The following FOCAD variants were observed in gnomAD, a reference collection of about 807,000 sequenced individuals.
FOCAD encodes the protein KIAA1797.
A neutral mutation model predicts 225.6 loss-of-function variants in FOCAD; 198 were observed. The observed-to-expected ratio is 0.88, with a 90% CI of 0.78 to 0.99. The LOEUF (loss-of-function observed/expected upper bound fraction) is 0.99. Among genes scored for constraint, FOCAD ranks in the 50% least tolerant of loss-of-function variants. The pLI, the probability that FOCAD is intolerant of heterozygous loss-of-function variation, is 0.00. For synonymous variants in FOCAD, 897 were observed against 755.0 expected (o/e 1.19, Z -3.08); for missense variants, 2,713 against 2,123.6 (o/e 1.28, Z -5.46).
chr9:20,712,006 G>T (rs954761789), intron 1 of FOCAD, among the ~76,000 whole-genome samples: 2 of 152,174 alleles, frequency 1.3e-5, no homozygotes, highest in African/African-American at 2.4e-5. Context: ...ATTGTTGCAT[G>T]GCCAGATAGA....
At chr9:20,801,112 A>T (rs1821776958) in intron 11 of FOCAD, among the ~76,000 whole-genome samples, 1 of 151,960 alleles carries the variant, frequency 6.6e-6, no homozygotes, top group Non-Finnish European at 1.5e-5. Flanking sequence ...CCGGAGGTCC[A>T]CTCCAGACCC....
chr9:20,748,043 A>C (rs1828213196), intron 5 of FOCAD, among the ~76,000 whole-genome samples: 1 of 151,820 alleles, frequency 6.6e-6, no homozygotes, highest in Non-Finnish European at 1.5e-5. Context: ...CAAAGTGAGC[A>C]TTTTGCTTTT....
At chr9:20,886,486 A>G (rs1831111664) in intron 21 of FOCAD, among the ~76,000 whole-genome samples, 1 of 152,200 alleles carries the variant, frequency 6.6e-6, no homozygotes, top group Non-Finnish European at 1.5e-5. Flanking sequence ...CCATCAGAAC[A>G]GAAACAAGAA....
intron 15 of FOCAD, among the ~76,000 whole-genome samples, chr9:20,849,953 G>A (rs144623311): frequency 8.6e-5 from 13 of 151,928 alleles, no homozygotes; most frequent in African/African-American, 3.1e-4. Flanking sequence ...TTTTGGGGAA[G>A]CATTTTTTAT....
At chr9:20,732,243 C>A (rs1284675326) in intron 4 of FOCAD, among the ~76,000 whole-genome samples, 1 of 152,130 alleles carries the variant, frequency 6.6e-6, no homozygotes, top group Non-Finnish European at 1.5e-5. Flanking sequence ...GAAACTCATT[C>A]AAAGTATACT....
At chr9:20,960,870 T>G (rs1208198631) in intron 35 of FOCAD, among the ~76,000 whole-genome samples, 1 of 152,088 alleles carries the variant, frequency 6.6e-6, no homozygotes, top group Non-Finnish European at 1.5e-5. Context: ...CGTGATAGTT[T>G]GCTGAGAATG....
chr9:20,956,556 A>G (rs770816353), intron 35 of FOCAD, among the ~76,000 whole-genome samples: 2 of 152,148 alleles, frequency 1.3e-5, no homozygotes, highest in Non-Finnish European at 2.9e-5. Context: ...GTCCTATTTT[A>G]AAAAAAGTAA....
intron 1 of FOCAD, among the ~76,000 whole-genome samples, chr9:20,698,438 G>A (rs1469142613): frequency 2.0e-5 from 3 of 151,948 alleles, no homozygotes; most frequent in Non-Finnish European, 4.4e-5. Flanking sequence ...CTTGCTCTAT[G>A]ACCCAGGCTG....
At chr9:20,893,230 T>C (rs1205433847) in intron 21 of FOCAD, among the ~76,000 whole-genome samples, 1 of 152,134 alleles carries the variant, frequency 6.6e-6, no homozygotes, top group African/African-American at 2.4e-5. Flanking sequence ...TACATTGTTT[T>C]TTTTAAATAC....
chr9:20,810,458 A>G (rs1247797014), intron 11 of FOCAD, among the ~76,000 whole-genome samples: 2 of 152,086 alleles, frequency 1.3e-5, no homozygotes, highest in African/African-American at 4.8e-5. Flanking sequence ...TTTAACTTTT[A>G]TTTGACTAGT....
chr9:20,764,980 A>G lies in FOCAD; in HGVS notation c.606A>G (p.Leu202=). 1 of 1,614,106 alleles carries G rather than the reference A, an allele frequency of 6.2e-7. No homozygotes were observed. Among genetic ancestry groups the G allele is most frequent in the South Asian group, 1.1e-5 (1 of 91,080 alleles). The change falls in exon 7 of 44, where the codon TTA becomes TTG. Residue 202 remains leucine (L), a synonymous_variant. Coordinates refer to ENST00000338382, the MANE Select transcript of FOCAD (RefSeq NM_001375567.1). ...AKLRLALLKV[L]LQPQVLCDKD... ...TCCGACTAGCCCTGCTGAAAGTCTT[A>G]CTTCAACCCCAGGTTCTTTGTGACA...
chr9:20,688,678 G>A (rs1220950624), intron 1 of FOCAD, among the ~76,000 whole-genome samples: 1 of 152,186 alleles, frequency 6.6e-6, no homozygotes, highest in Non-Finnish European at 1.5e-5. Context: ...TACCCTGTAG[G>A]AAAGATGACC....
At chr9:20,878,182 A>G (rs779875630) in intron 19 of FOCAD, among the ~76,000 whole-genome samples, 14 of 152,212 alleles carry the variant, frequency 9.2e-5, no homozygotes, top group Non-Finnish European at 1.8e-4. Context: ...TACAATTTGT[A>G]CTTCCAGTAT....
chr9:20,871,814 C>T (rs1302521466), intron 18 of FOCAD, among the ~76,000 whole-genome samples: 4 of 147,200 alleles, frequency 2.7e-5, no homozygotes, highest in East Asian at 4.1e-4. Flanking sequence ...TGCTAAATGA[C>T]GAGTTAATGG....
At chr9:20,932,647 C>T (rs1481934408) in intron 27 of FOCAD, among the ~76,000 whole-genome samples, 2 of 152,140 alleles carry the variant, frequency 1.3e-5, no homozygotes, top group African/African-American at 4.8e-5. Flanking sequence ...CAGGTTAATA[C>T]GTTAAGTATT....
At chr9:20,939,942 C>T (rs1836474669) in intron 28 of FOCAD, among the ~76,000 whole-genome samples, 1 of 149,130 alleles carries the variant, frequency 6.7e-6, no homozygotes. Flanking sequence ...GTGATGTTCC[C>T]CACCCTGTGT....
chr9:20,874,956 AAAC>A (rs1489735955), intron 19 of FOCAD, 149 bp downstream of exon 19: 1 of 994,974 alleles, frequency 1.0e-6, no homozygotes, highest in African/African-American at 1.6e-5. Flanking sequence ...TGTTCTATTG[AAAC>A]AGCTTGAGGT....
intron 15 of FOCAD, among the ~76,000 whole-genome samples, chr9:20,857,415 G>C (rs1210548086): frequency 6.6e-6 from 1 of 151,958 alleles, no homozygotes; most frequent in African/African-American, 2.4e-5. Flanking sequence ...TTGGCATATA[G>C]AAATGCTACT....
intron 2 of FOCAD, among the ~76,000 whole-genome samples, chr9:20,670,182 G>A (rs1822017914): frequency 6.6e-6 from 1 of 152,152 alleles, no homozygotes; most frequent in Non-Finnish European, 1.5e-5. Flanking sequence ...TGCACAGTAA[G>A]TATTTATTTG....
Sources: allele counts gnomAD v4.1 joint callset (sites outside exome capture counted in the v4.1 genomes callset), GRCh38; gene constraint gnomAD v4.1.1; transcripts MANE v1.5; gene names NCBI Gene and HGNC (gene_info 2026-07-23, HGNC 2026-07-21).